MACF1: variants seen among roughly 807,000 people sequenced by gnomAD.
MACF1 encodes the protein microtubule actin crosslinking factor 1, also known as microtubule-actin cross-linking factor 1.
In MACF1, 193 loss-of-function variants were observed where a neutral mutation model predicts 854.8. The observed-to-expected ratio is 0.23, with a 90% CI of 0.20 to 0.25. MACF1 has a LOEUF of 0.25. Ranked by LOEUF, MACF1 falls within the 10% of genes least tolerant of loss-of-function variation. The probability of loss-of-function intolerance (pLI) is 1.00; values close to 1 mark genes in which losing one functional copy is unlikely to be tolerated. For synonymous variants in MACF1, 3,185 were observed against 3,226.7 expected (o/e 0.99, Z 0.44); for missense variants, 7,722 against 8,929.1 (o/e 0.86, Z 5.45).
intron 2 of MACF1, among the ~76,000 whole-genome samples, chr1:39,173,520 T>C (rs1643982007): frequency 6.6e-6 from 1 of 152,194 alleles, no homozygotes; most frequent in South Asian, 2.1e-4. Flanking sequence ...TTGCATTTCC[T>C]TCACTGTCAG....
intron 2 of MACF1, among the ~76,000 whole-genome samples, chr1:39,123,709 CTTGTTTTGTT>C (rs1454947957): frequency 5.3e-5 from 5 of 94,466 alleles, no homozygotes; most frequent in East Asian, 3.4e-4. Flanking sequence ...CCGGCTAATT[CTTGTTTTGTT>C]TTTTTTTTTT....
At chr1:39,392,519 CT>C (rs1249740434) in intron 58 of MACF1, among the ~76,000 whole-genome samples, 1 of 152,070 alleles carries the variant, frequency 6.6e-6, no homozygotes, top group African/African-American at 2.4e-5. Context: ...GTTTTCAGCT[CT>C]TTTTTTAATG....
intron 58 of MACF1, among the ~76,000 whole-genome samples, chr1:39,391,905 G>A (rs936834028): frequency 3.3e-5 from 5 of 152,178 alleles, no homozygotes; most frequent in South Asian, 4.1e-4. Context: ...GACACTGATC[G>A]GCTGGGCTCT....
At chr1:39,371,542 G>A (rs1273401041) in intron 51 of MACF1, among the ~76,000 whole-genome samples, 1 of 152,046 alleles carries the variant, frequency 6.6e-6, no homozygotes, top group Non-Finnish European at 1.5e-5. Flanking sequence ...TACAACTATG[G>A]CAGGAGACAT....
At position 39,272,909 on chromosome 1, in the gene MACF1, C is replaced by T. The variant is rs542154656; in HGVS notation, c.529-9299C>T. Among the ~76,000 whole-genome samples, 10 of 152,186 alleles carry T rather than the reference C, an allele frequency of 6.6e-5. No individual in the cohort carries two copies. The South Asian group carries it at 1.7e-3, about 25-fold the overall frequency. On this transcript the variant is annotated intron_variant, in intron 6 of 100. Transcript: ENST00000564288. ...TGGATGGGAACAGGCTAATAGCAATCGCTCTTTGATGTCAGACAAAGGCCT... is the reference window on the plus strand; with the variant it reads ...TGGATGGGAACAGGCTAATAGCAATTGCTCTTTGATGTCAGACAAAGGCCT...
chr1:39,408,776 C>G (rs1282874478), intron 58 of MACF1, among the ~76,000 whole-genome samples: 2 of 152,072 alleles, frequency 1.3e-5, no homozygotes, highest in Non-Finnish European at 2.9e-5. Flanking sequence ...TCCCCTCTGG[C>G]CCCGGGGCGC....
At position 39,335,727 on chromosome 1, in the gene MACF1, C is replaced by T; in HGVS notation, c.9139C>T (p.Gln3047Ter). Residue 3047 changes from glutamine to a stop codon, truncating the protein, a stop_gained, in exon 37 of 101, where the codon CAA becomes TAA. Coordinates refer to ENST00000564288, the MANE Select transcript of MACF1 (RefSeq NM_001394062.1). LOFTEE classifies it high-confidence loss of function. ...TTTTAAAATTGAAGAGTCCTCTTCC[C>T]AAGTGGTACCTCAAGGAATTTCTGT... ...ITFKIEESSS[Q>*]VVPQGISVKH... is the part of the protein sequence containing the mutation. 6.2e-7 allele frequency: 1 copy of T among 1,613,788 alleles called. No homozygotes were observed. The highest frequency in any genetic ancestry group is 8.5e-7 in the Non-Finnish European group (1 of 1,179,920).
chr1:39,458,763 T>C, intron 90 of MACF1: 1 of 507,720 alleles, frequency 2.0e-6, no homozygotes, highest in East Asian at 3.3e-5. Context: ...GCCCTAGCTG[T>C]TTACATTTGG....
intron 69 of MACF1, 128 bp downstream of exon 69, chr1:39,434,760 T>C: frequency 1.4e-6 from 1 of 725,290 alleles, no homozygotes; most frequent in Non-Finnish European, 2.2e-6. Context: ...TCAGTTAGAA[T>C]TCCTTTCATA....
intron 58 of MACF1, chr1:39,410,242 A>T: frequency 6.6e-7 from 1 of 1,517,770 alleles, no homozygotes; most frequent in Non-Finnish European, 8.9e-7. Flanking sequence ...TGAAAGATTG[A>T]TGGTTCATCT....
rs1642040587 is a variant in MACF1 at position 39,100,406 on chromosome 1, G to A, written c.220+15968G>A. Among the ~76,000 whole-genome samples, 5 of 152,290 alleles carry A rather than the reference G, an allele frequency of 3.3e-5. 1 individual carries two copies. In the South Asian group the frequency reaches 1.0e-3, roughly 32 times the overall value. On this transcript the variant is annotated intron_variant, in intron 2 of 93. Coordinates refer to the MACF1 transcript ENST00000361689. ...GATCAGCCTGAAAAGGAAGCTAGATGTCTAAATATGGAAGACTTGGAATTC... is the reference window on the plus strand; with the variant it reads ...GATCAGCCTGAAAAGGAAGCTAGATATCTAAATATGGAAGACTTGGAATTC...
chr1:39,358,911 CT>C, intron 46 of MACF1, 38 bp downstream of exon 46: 1 of 1,566,534 alleles, frequency 6.4e-7, no homozygotes, highest in South Asian at 1.2e-5. Context: ...GTGTCAAGAC[CT>C]TGTATTCCAT....
At chr1:39,230,882 T>C (rs1047918684) in intron 1 of MACF1, among the ~76,000 whole-genome samples, 6 of 152,090 alleles carry the variant, frequency 3.9e-5, no homozygotes, top group African/African-American at 1.2e-4. Context: ...TTGAAGCTTG[T>C]TGTGAGGGAA....
chr1:39,120,608 C>T (rs181315915), intron 2 of MACF1, among the ~76,000 whole-genome samples: 112 of 151,984 alleles, frequency 7.4e-4, no homozygotes, highest in Admixed American at 1.3e-3. Flanking sequence ...GTGATCTGCC[C>T]GCCTTGGCCT....
chr1:39,105,786 C>T lies in MACF1; in HGVS notation c.220+21348C>T. On this transcript the variant is annotated intron_variant, in intron 2 of 93. Transcript: ENST00000361689. This position sits in a 1 kb window ranked among gnomAD's most constrained non-coding sequence, Gnocchi z 5.9. Reference sequence around the variant, plus strand: ...CAGCGTGGCCTTCGGAGCCGGTCGGCTCGGCGGCTGCAGGTGGGGCGGCCG... The same window carrying T: ...CAGCGTGGCCTTCGGAGCCGGTCGGTTCGGCGGCTGCAGGTGGGGCGGCCG... The T allele has an allele frequency of 9.9e-7, 1 of 1,014,364 alleles. No homozygotes were observed. Among genetic ancestry groups the T allele is most frequent in the Non-Finnish European group, 1.2e-6 (1 of 848,012 alleles). The allele number at this position is 1,014,364 out of a possible 1,614,324, so 62.8% of individuals were successfully genotyped here. A position where few individuals can be genotyped will look rare whatever the true frequency, so the allele number is the denominator to read the frequency against.
At chr1:39,465,020 T>TAAG in intron 94 of MACF1, 75 bp from the exon 95 acceptor site, 1 of 1,256,422 alleles carries the variant, frequency 8.0e-7, no homozygotes, top group South Asian at 1.2e-5. Context: ...TTTCATTCTT[T>TAAG]AGTGTTAATT....
At chr1:39,478,899 G>C (rs777884378) in intron 97 of MACF1, among the ~76,000 whole-genome samples, 2 of 152,230 alleles carry the variant, frequency 1.3e-5, no homozygotes. Context: ...TGAGGAGGTA[G>C]AGGGTTTCTG....
Position 39,211,621 on chromosome 1 carries a change from G to A in MACF1, c.109+6490G>A, listed in dbSNP as rs369800898. Among the ~76,000 whole-genome samples, 6 of 152,184 alleles carry A rather than the reference G, an allele frequency of 3.9e-5. No homozygotes were observed. In the South Asian group the frequency reaches 6.2e-4, roughly 16 times the overall value. On this transcript the variant is annotated intron_variant, in intron 1 of 100. Transcript: ENST00000564288. ...TGACATGCCGGGCATGGTGGCTCAC[G>A]CCTGTAATCCTGACATTTTGGGAGG...
intron 6 of MACF1, among the ~76,000 whole-genome samples, chr1:39,267,525 C>T (rs901869252): frequency 7.9e-5 from 12 of 152,164 alleles, no homozygotes; most frequent in Admixed American, 6.5e-5. Flanking sequence ...TGAGCCACTG[C>T]GCCTGGCCAA....
Sources: allele counts gnomAD v4.1 joint callset (sites outside exome capture counted in the v4.1 genomes callset), GRCh38; gene constraint gnomAD v4.1.1; non-coding constraint Gnocchi (gnomAD v3.1); transcripts MANE v1.5; gene names NCBI Gene and HGNC (gene_info 2026-07-23, HGNC 2026-07-21).